The following DCC variants were observed in gnomAD, a reference collection of about 807,000 sequenced individuals.
The protein encoded by DCC is netrin receptor DCC.
A neutral mutation model predicts 172.5 loss-of-function variants in DCC; 58 were observed. The ratio of observed to expected loss-of-function variants is 0.34; its 90% CI spans 0.27 to 0.42. DCC has a LOEUF of 0.42. Among genes scored for constraint, DCC ranks in the 10% least tolerant of loss-of-function variants. The pLI, the probability that DCC is intolerant of heterozygous loss-of-function variation, is 1.00. For missense variants in DCC, 1,740 were observed against 1,791.0 expected (o/e 0.97, Z 0.51); for synonymous variants, 709 against 644.5 (o/e 1.10, Z -1.52).
At chr18:52,600,679 A>G (rs978203451) in intron 1 of DCC, among the ~76,000 whole-genome samples, 1 of 151,912 alleles carries the variant, frequency 6.6e-6, no homozygotes, top group East Asian at 1.9e-4. Flanking sequence ...ATCACTTTCA[A>G]TAAAGCTTTG....
In DCC at chr18:52,906,330, TATTGCA is replaced by T; in HGVS notation, c.697+5_697+10del. On this transcript the variant is annotated splice_donor_5th_base_variant and intron_variant, in intron 3 of 28. Coordinates refer to ENST00000442544, the MANE Select transcript of DCC (RefSeq NM_005215.4). ...AAGCAGAAGTCAGAATTTTATCAGGTATTGCAATGCTCTTTGTTGCCTTCAGAATGA... is the reference window on the plus strand; with the variant it reads ...AAGCAGAAGTCAGAATTTTATCAGGTATGCTCTTTGTTGCCTTCAGAATGA... The T allele has an allele frequency of 6.2e-7, 1 of 1,613,832 alleles. No individual in the cohort carries two copies. Among genetic ancestry groups the T allele is most frequent in the Non-Finnish European group, 8.5e-7 (1 of 1,179,982 alleles).
chr18:52,514,727 G>A (rs1198566275), intron 1 of DCC, among the ~76,000 whole-genome samples: 1 of 152,210 alleles, frequency 6.6e-6, no homozygotes, highest in African/African-American at 2.4e-5. Flanking sequence ...AAATACAAAT[G>A]TGATTGGCTC....
intron 5 of DCC, among the ~76,000 whole-genome samples, chr18:53,012,484 A>G (rs1170796375): frequency 2.0e-5 from 3 of 152,078 alleles, no homozygotes; most frequent in African/African-American, 7.2e-5. Context: ...CCATTATGAT[A>G]GAACTCAGAA....
Position 52,515,524 on chromosome 18 carries a change from G to A in DCC, c.91+174646G>A, listed in dbSNP as rs9956826. Among the ~76,000 whole-genome samples, 1,156 of 144,926 alleles carry A rather than the reference G, an allele frequency of 8.0e-3. 22 individuals are homozygous for A. Among genetic ancestry groups the A allele is most frequent in the African/African-American group, 0.028 (1,106 of 39,592 alleles). On this transcript the variant is annotated intron_variant, in intron 1 of 28. Coordinates refer to ENST00000442544, the MANE Select transcript of DCC (RefSeq NM_005215.4). ...CGGGAGGCTGAGGCAGGAGAATGGCGTGAACCCAGGAGGCTGAGCTTGCAG... is the reference window on the plus strand; with the variant it reads ...CGGGAGGCTGAGGCAGGAGAATGGCATGAACCCAGGAGGCTGAGCTTGCAG...
chr18:53,483,936 G>A (rs2045868158), intron 25 of DCC, among the ~76,000 whole-genome samples: 1 of 151,272 alleles, frequency 6.6e-6, no homozygotes, highest in Non-Finnish European at 1.5e-5. Flanking sequence ...TCTAAACACT[G>A]TGAAACCTTT....
chr18:52,369,174 A>G (rs942204520), intron 1 of DCC, among the ~76,000 whole-genome samples: 1 of 151,910 alleles, frequency 6.6e-6, no homozygotes, highest in Non-Finnish European at 1.5e-5. Flanking sequence ...GAGGACAAAA[A>G]CCCTAAGAAT....
chr18:53,067,226 A>G (rs1232821285), intron 7 of DCC, among the ~76,000 whole-genome samples: 1 of 152,114 alleles, frequency 6.6e-6, no homozygotes, highest in African/African-American at 2.4e-5. Context: ...TGAATTACAG[A>G]ATTCTAGTAT....
intron 7 of DCC, among the ~76,000 whole-genome samples, chr18:53,093,433 G>A (rs1002560626): frequency 2.0e-5 from 3 of 152,110 alleles, no homozygotes; most frequent in Non-Finnish European, 2.9e-5. Flanking sequence ...TACATCAAAA[G>A]ATTGTTGATT....
chr18:53,011,006 CTTACA>C (rs2041722614), intron 5 of DCC, among the ~76,000 whole-genome samples: 1 of 151,268 alleles, frequency 6.6e-6, no homozygotes, highest in South Asian at 2.1e-4. Flanking sequence ...AATAGTAGCA[CTTACA>C]TTACAAATGC....
rs537755408 is a variant in DCC at position 52,840,664 on chromosome 18, C to A, written c.413-65380C>A. 4.6e-5 allele frequency among the ~76,000 whole-genome samples: 7 copies of A among 152,280 alleles called. No homozygotes were observed. The East Asian group carries it at 1.4e-3, about 29-fold the overall frequency. On this transcript the variant is annotated intron_variant, in intron 2 of 28. Coordinates refer to ENST00000442544, the MANE Select transcript of DCC (RefSeq NM_005215.4). ...ATCCTTCTAGTCCAAACTGCTCACG[C>A]AGGGCCTAAAATAAAATGACTAAAA...
intron 11 of DCC, among the ~76,000 whole-genome samples, chr18:53,215,109 T>C (rs1162569332): frequency 6.6e-6 from 1 of 152,190 alleles, no homozygotes; most frequent in East Asian, 1.9e-4. Context: ...TTACAGGGAT[T>C]AAGAAACCTG....
chr18:52,998,469 A>G (rs958551552), intron 5 of DCC, among the ~76,000 whole-genome samples: 1 of 152,230 alleles, frequency 6.6e-6, no homozygotes, highest in East Asian at 1.9e-4. Context: ...TAATAGACTT[A>G]CTGGGAAATA....
At position 52,655,128 on chromosome 18, in the gene DCC, AT is replaced by A. The variant is rs964632259; in HGVS notation, c.92-96917del. 2.7e-4 allele frequency among the ~76,000 whole-genome samples: 41 copies of A among 151,324 alleles called. No homozygotes were observed. The East Asian group carries it at 5.1e-3, about 19-fold the overall frequency. ...ACAGTCATTCTGCCTTTATTTATGT[AT>A]TTTTTTTTAAGAGAGAAGAGGGGAA... is the stretch of plus-strand genomic sequence containing the variant. On this transcript the variant is annotated intron_variant, in intron 1 of 28. Coordinates refer to ENST00000442544, the MANE Select transcript of DCC (RefSeq NM_005215.4).
At chr18:52,510,069 A>G (rs1003223290) in intron 1 of DCC, among the ~76,000 whole-genome samples, 1 of 149,560 alleles carries the variant, frequency 6.7e-6, no homozygotes, top group African/African-American at 2.5e-5. Context: ...GCACCACTGC[A>G]CTCCAGCCTG....
intron 1 of DCC, among the ~76,000 whole-genome samples, chr18:52,385,026 A>G (rs550775791): frequency 2.0e-5 from 3 of 152,206 alleles, no homozygotes; most frequent in Admixed American, 2.0e-4. Context: ...CAAAACTCAG[A>G]CTTCTTGAGA....
intron 1 of DCC, among the ~76,000 whole-genome samples, chr18:52,478,335 CTAGGT>C (rs1989155748): frequency 6.6e-6 from 1 of 152,056 alleles, no homozygotes; most frequent in South Asian, 2.1e-4. Flanking sequence ...ATGTTCTCTG[CTAGGT>C]TAATCTGATA....
chr18:52,892,901 T>C (rs943957602), intron 2 of DCC, among the ~76,000 whole-genome samples: 4 of 152,170 alleles, frequency 2.6e-5, no homozygotes, highest in African/African-American at 4.8e-5. Context: ...ATTAAAATTA[T>C]ATAGATTTAC....
intron 2 of DCC, among the ~76,000 whole-genome samples, chr18:52,801,631 A>G (rs759743355): frequency 3.3e-5 from 5 of 152,220 alleles, no homozygotes; most frequent in Non-Finnish European, 5.9e-5. Context: ...TGAATGCAGT[A>G]AAGTATATTT....
At chr18:53,118,006 C>T (rs537542767) in intron 7 of DCC, among the ~76,000 whole-genome samples, 82 of 151,908 alleles carry the variant, frequency 5.4e-4, no homozygotes, top group African/African-American at 1.9e-3. Flanking sequence ...CCAGCCTCTA[C>T]GTCACAGCAT....
Sources: gnomAD v4.1 joint callset for allele counts (sites outside exome capture counted in the v4.1 genomes callset) on GRCh38, gnomAD v4.1.1 for gene constraint, MANE v1.5 for transcripts, NCBI Gene and HGNC (gene_info 2026-07-23, HGNC 2026-07-21) for gene names.